The following MTA3 variants were observed in gnomAD, a reference collection of about 807,000 sequenced individuals.
The protein encoded by MTA3 is metastasis-associated protein MTA3.
A neutral mutation model predicts 83.5 loss-of-function variants in MTA3; 34 were observed. That is an observed-to-expected ratio of 0.41 (90% CI 0.31 to 0.54). MTA3 has a LOEUF of 0.54. MTA3 is among the 20% of genes least tolerant of loss of function. MTA3 has a pLI of 0.33. For missense variants in MTA3, 761 were observed against 726.4 expected, an observed-to-expected ratio of 1.05 and a Z score of -0.55; for synonymous variants, 303 against 252.7, an observed-to-expected ratio of 1.20 and a Z score of -1.89.
chr2:42,598,213 T>C (rs1428376411), intron 3 of MTA3, among the ~76,000 whole-genome samples: 1 of 151,916 alleles, frequency 6.6e-6, no homozygotes, highest in Non-Finnish European at 1.5e-5. Context: ...GCTGGGACTA[T>C]TGCCACCACA....
At chr2:42,708,136 G>T (rs927970116) in intron 13 of MTA3, 82 bp downstream of exon 13, 1 of 1,362,086 alleles carries the variant, frequency 7.3e-7, no homozygotes, top group African/African-American at 1.5e-5. Flanking sequence ...TACAGTATAG[G>T]ATAATTAAAA....
At chr2:42,699,581 C>T (rs979157044) in intron 11 of MTA3, among the ~76,000 whole-genome samples, 12 of 152,290 alleles carry the variant, frequency 7.9e-5, no homozygotes, top group Admixed American at 6.5e-4. Flanking sequence ...CTAGCTTGAC[C>T]TAGAGTAGTA....
intron 4 of MTA3, among the ~76,000 whole-genome samples, chr2:42,637,870 A>G (rs1687335562): frequency 6.6e-6 from 1 of 152,166 alleles, no homozygotes; most frequent in African/African-American, 2.4e-5. Context: ...ACCATATGGA[A>G]GAGACTTTTA....
chr2:42,505,134 C>T (rs1325131280), intron 2 of MTA3, among the ~76,000 whole-genome samples: 1 of 152,172 alleles, frequency 6.6e-6, no homozygotes, highest in Non-Finnish European at 1.5e-5. Flanking sequence ...TGACTCATGA[C>T]TGTAATCCCA....
intron 2 of MTA3, among the ~76,000 whole-genome samples, chr2:42,551,741 A>AT (rs906439570): frequency 1.5e-4 from 23 of 149,632 alleles, no homozygotes; most frequent in South Asian, 4.3e-4. Context: ...TGAGGAGGTA[A>AT]TTTTTTTTTT....
At chr2:42,611,530 G>GTATTGTTTGT (rs1325711234) in intron 4 of MTA3, among the ~76,000 whole-genome samples, 2 of 152,022 alleles carry the variant, frequency 1.3e-5, no homozygotes, top group Non-Finnish European at 1.5e-5. Flanking sequence ...TTTTTATTTG[G>GTATTGTTTGT]TTTTGTTTGT....
chr2:42,723,950 G>A (rs1196898447), intron 16 of MTA3, among the ~76,000 whole-genome samples: 2 of 152,262 alleles, frequency 1.3e-5, no homozygotes, highest in East Asian at 1.9e-4. Context: ...GTAAAACAGT[G>A]AGGGTGAGGA....
intron 4 of MTA3, among the ~76,000 whole-genome samples, chr2:42,626,251 C>G (rs1686078356): frequency 6.8e-6 from 1 of 146,638 alleles, no homozygotes; most frequent in African/African-American, 2.6e-5. Context: ...CCATAGTTTT[C>G]TATTCTTATT....
chr2:42,640,918 G>T (rs1318968809), intron 5 of MTA3, among the ~76,000 whole-genome samples: 1 of 152,008 alleles, frequency 6.6e-6, no homozygotes, highest in Non-Finnish European at 1.5e-5. Flanking sequence ...GTATGTTTTA[G>T]TTTTTGGAGA....
At chr2:42,642,288 A>G (rs1461498216) in intron 5 of MTA3, among the ~76,000 whole-genome samples, 1 of 152,152 alleles carries the variant, frequency 6.6e-6, no homozygotes, top group Non-Finnish European at 1.5e-5. Flanking sequence ...GAGTATGGCA[A>G]GCTCCTGTTT....
At chr2:42,640,007 C>G (rs1687563566) in intron 4 of MTA3, among the ~76,000 whole-genome samples, 166 bp from the exon 5 acceptor site, 1 of 152,086 alleles carries the variant, frequency 6.6e-6, no homozygotes, top group Non-Finnish European at 1.5e-5. Flanking sequence ...TATAAGTTAC[C>G]TGACATTAGG....
At chr2:42,519,092 C>T (rs1675292913) in intron 2 of MTA3, among the ~76,000 whole-genome samples, 1 of 151,806 alleles carries the variant, frequency 6.6e-6, no homozygotes, top group South Asian at 2.1e-4. Flanking sequence ...GAAACTACCC[C>T]AGCCAGTTGA....
chr2:42,669,187 C>T (rs1347310364), intron 8 of MTA3, among the ~76,000 whole-genome samples: 4 of 150,458 alleles, frequency 2.7e-5, no homozygotes, highest in Middle Eastern at 3.2e-3. Context: ...TGGGTTCAAG[C>T]GATTCTCCTG....
In MTA3 at chr2:42,673,223, C is replaced by T. The variant is rs565252759; in HGVS notation, c.703-9178C>T. Reference sequence around the variant, plus strand: ...GAGAGTTTATTATAATCTTCCTCTGCTTGGAAAAAAAGAATGTGGTTATTA... The same window carrying T: ...GAGAGTTTATTATAATCTTCCTCTGTTTGGAAAAAAAGAATGTGGTTATTA... On this transcript the variant is annotated intron_variant, in intron 8 of 16. Transcript: ENST00000405094. 2.0e-5 allele frequency among the ~76,000 whole-genome samples: 3 copies of T among 151,850 alleles called. No homozygotes were observed. In the South Asian group the frequency reaches 6.2e-4, roughly 32 times the overall value.
Position 42,640,245 on chromosome 2 carries a change from C to A in MTA3, c.381+9C>A. On this transcript the variant is annotated intron_variant, in intron 5 of 16. Transcript: ENST00000405094. ...CATATCTTGATAAGGAGGTAATTCACAATCATAGTTGTTTTGTTTTTTTCT... is the reference window on the plus strand; with the variant it reads ...CATATCTTGATAAGGAGGTAATTCAAAATCATAGTTGTTTTGTTTTTTTCT... 6.3e-7 allele frequency: 1 copy of A among 1,589,574 alleles called. No individual in the cohort carries two copies. The highest frequency in any genetic ancestry group is 8.6e-7 in the Non-Finnish European group (1 of 1,166,852).
chr2:42,517,388 AT>A lies in MTA3; in HGVS notation c.-141+22135del, dbSNP rs374931223. Among the ~76,000 whole-genome samples the A allele has an allele frequency of 1.5e-4, 23 of 152,058 alleles. 1 individual carries two copies. The East Asian group carries it at 3.9e-3, about 26-fold the overall frequency. Reference sequence around the variant, plus strand: ...GGAGGTCAAGACCGGCATGGCCAACATGGTGAAACCTCATCTCTACTAAAAA... The same window carrying A: ...GGAGGTCAAGACCGGCATGGCCAACAGGTGAAACCTCATCTCTACTAAAAA... On this transcript the variant is annotated intron_variant, in intron 2 of 17. Coordinates refer to the MTA3 transcript ENST00000405592.
At chr2:42,729,096 T>G (rs914663167) in intron 16 of MTA3, among the ~76,000 whole-genome samples, 2 of 120,542 alleles carry the variant, frequency 1.7e-5, no homozygotes, top group African/African-American at 6.7e-5. Flanking sequence ...GTTTTTTTTT[T>G]TTTTTTTTTT....
At chr2:42,684,731 T>A (rs77676374) in intron 9 of MTA3, among the ~76,000 whole-genome samples, 1 of 152,202 alleles carries the variant, frequency 6.6e-6, no homozygotes, top group African/African-American at 2.4e-5. Context: ...GTGAAAATAC[T>A]TTTCCCTGCA....
chr2:42,594,728 A>ATATATTTTTTTTTTTT lies in MTA3; in HGVS notation c.191-14729_191-14728insATATTTTTTTTTTTTT. On this transcript the variant is annotated intron_variant, in intron 3 of 16. Transcript: ENST00000405094. ...TACATATATATATATATATATATAT[A>ATATATTTTTTTTTTTT]TTTTTTTTTTTTTTTTGAGACAGAG... Among the ~76,000 whole-genome samples, 38 of 24,040 alleles carry ATATATTTTTTTTTTTT rather than the reference A, an allele frequency of 1.6e-3. 2 individuals are homozygous for ATATATTTTTTTTTTTT. The highest frequency in any genetic ancestry group is 2.1e-3 in the Non-Finnish European group (33 of 15,456). The allele number at this position is 24,040 out of a possible 152,430, so 15.8% of individuals were successfully genotyped here. A position where few individuals can be genotyped will look rare whatever the true frequency, so the allele number is the denominator to read the frequency against.
Sources: gnomAD v4.1 joint callset for allele counts (sites outside exome capture counted in the v4.1 genomes callset) on GRCh38, gnomAD v4.1.1 for gene constraint, MANE v1.5 for transcripts, NCBI Gene and HGNC (gene_info 2026-07-23, HGNC 2026-07-21) for gene names.